The following TMEM51 variants were observed in gnomAD, a reference collection of about 807,000 sequenced individuals.
TMEM51 encodes the protein transmembrane protein 51, also known as chromosome 1 open reading frame 72.
TMEM51 carries 8 observed loss-of-function variants against 13.6 expected under a neutral mutation model. That is an observed-to-expected ratio of 0.59 (90% CI 0.35 to 1.07). TMEM51 has a LOEUF of 1.07. Among genes scored for constraint, TMEM51 ranks in the 50% least tolerant of loss-of-function variants. The probability of loss-of-function intolerance (pLI) is 0.02; values close to 1 mark genes in which losing one functional copy is unlikely to be tolerated. For synonymous variants in TMEM51, 147 were observed against 144.4 expected, an observed-to-expected ratio of 1.02 and a Z score of -0.13; for missense variants, 279 against 330.7, an observed-to-expected ratio of 0.84 and a Z score of 1.21.
Position 15,220,319 on chromosome 1 carries a change from C to T in TMEM51, c.*576C>T, listed in dbSNP as rs1644499529. 1 of 148,526 alleles carries T rather than the reference C, an allele frequency of 6.7e-6. No homozygotes were observed. The highest frequency in any genetic ancestry group is 2.5e-5 in the African/African-American group (1 of 39,748). The allele number at this position is 148,526 out of a possible 1,614,324, so 9.2% of individuals were successfully genotyped here. A position where few individuals can be genotyped will look rare whatever the true frequency, so the allele number is the denominator to read the frequency against. The stretch of plus-strand genomic sequence containing the variant: ...GGGCTTAAGGCCTGATGAACGTAGG[C>T]ACGTGATGCATAATAGTCTTCAATG... On this transcript the variant is annotated 3_prime_UTR_variant, in exon 4 of 4. Coordinates refer to ENST00000376008, the MANE Select transcript of TMEM51 (RefSeq NM_001136218.2).
chr1:15,160,434 C>T (rs1485938167), intron 1 of TMEM51, among the ~76,000 whole-genome samples: 5 of 152,008 alleles, frequency 3.3e-5, no homozygotes, highest in East Asian at 1.9e-4. Flanking sequence ...CCACCACGCC[C>T]GGCCAATTTT....
chr1:15,196,674 G>A (rs1056273452), intron 1 of TMEM51, among the ~76,000 whole-genome samples: 2 of 152,210 alleles, frequency 1.3e-5, no homozygotes, highest in Non-Finnish European at 2.9e-5. Flanking sequence ...ATTGAATTAA[G>A]TGCTTCCAGA....
At chr1:15,219,247 CTT>C in intron 3 of TMEM51, 77 bp from the exon 4 acceptor site, 4 of 1,471,790 alleles carry the variant, frequency 2.7e-6, no homozygotes, top group Non-Finnish European at 3.7e-6. Flanking sequence ...TGTGTGGACT[CTT>C]TGGAGCCCAT....
chr1:15,207,113 G>C lies in TMEM51; in HGVS notation c.-266-3377G>C, dbSNP rs1005058318. 6.6e-6 allele frequency among the ~76,000 whole-genome samples: 1 copy of C among 152,200 alleles called. No individual in the cohort carries two copies. The highest frequency in any genetic ancestry group is 1.5e-5 in the Non-Finnish European group (1 of 68,046). ...TTGTGATGTGAATGTGGCACAGCCCGGTGGAACCGGGGATCCCTTTCCCAA... is the reference window on the plus strand; with the variant it reads ...TTGTGATGTGAATGTGGCACAGCCCCGTGGAACCGGGGATCCCTTTCCCAA... On this transcript the variant is annotated intron_variant, in intron 1 of 3. Transcript: ENST00000376008. The surrounding 1 kb of genome is among the most constrained non-coding windows in gnomAD (Gnocchi z 4.6).
intron 3 of TMEM51, among the ~76,000 whole-genome samples, 170 bp downstream of exon 3, chr1:15,215,601 T>C (rs3820063): frequency 0.44 from 66,403 of 152,216 alleles, 15,209 homozygotes; most frequent in East Asian, 0.61. Flanking sequence ...CAAATAACTT[T>C]AGACTTTTCT....
chr1:15,213,858 T>TC (rs1644380773), intron 2 of TMEM51, among the ~76,000 whole-genome samples: 1 of 152,036 alleles, frequency 6.6e-6, no homozygotes, highest in Non-Finnish European at 1.5e-5. Context: ...CTTTTTTTTT[T>TC]CGAGACAGAG....
chr1:15,172,590 G>T (rs1389443134), intron 1 of TMEM51, among the ~76,000 whole-genome samples: 1 of 152,130 alleles, frequency 6.6e-6, no homozygotes, highest in African/African-American at 2.4e-5. Flanking sequence ...GTTCCACCAC[G>T]TGCCAGCTTT....
At chr1:15,166,830 C>A (rs1643016798) in intron 1 of TMEM51, among the ~76,000 whole-genome samples, 2 of 152,150 alleles carry the variant, frequency 1.3e-5, no homozygotes, top group Admixed American at 1.3e-4. Flanking sequence ...AATCATGTAA[C>A]CACCACCACA....
rs751616475 is a variant in TMEM51, at chr1:15,215,309, G to C, written c.222G>C (p.Val74=). ...CCTACGTGCTGGTCGGGGCCGGGGT[G>C]ATGCTGCTGCTGCTTTCTATCTGCC... ...SVAYVLVGAG[V]MLLLLSICLS... The change falls in exon 3 of 4, where the codon GTG becomes GTC. Residue 74 remains valine (V), a synonymous_variant. Transcript: ENST00000376008. 6.2e-7 allele frequency: 1 copy of C among 1,614,188 alleles called. No individual in the cohort carries two copies. Among genetic ancestry groups the C allele is most frequent in the East Asian group, 2.2e-5 (1 of 44,884 alleles).
chr1:15,200,899 G>C (rs1644142535), intron 1 of TMEM51, among the ~76,000 whole-genome samples: 1 of 152,160 alleles, frequency 6.6e-6, no homozygotes, highest in Non-Finnish European at 1.5e-5. Context: ...AACTGACCTA[G>C]GGAAAGTTTC....
chr1:15,204,083 G>A (rs1644206547), intron 1 of TMEM51, among the ~76,000 whole-genome samples: 1 of 152,250 alleles, frequency 6.6e-6, no homozygotes, highest in Non-Finnish European at 1.5e-5. Context: ...TCCAGTCAGT[G>A]TCCAGAACTG....
In TMEM51 at chr1:15,161,142, A is replaced by G. The variant is rs913106657; in HGVS notation, c.-267+7188A>G. 6.6e-6 allele frequency among the ~76,000 whole-genome samples: 1 copy of G among 152,118 alleles called. No homozygotes were observed. The highest frequency in any genetic ancestry group is 6.5e-5 in the Admixed American group (1 of 15,280). ...GTTAACACAGGCCAATACTGAGTGT[A>G]GAAACGCTGCACTCAGGGCAGATGC... On this transcript the variant is annotated intron_variant, in intron 1 of 3. Coordinates refer to ENST00000376008, the MANE Select transcript of TMEM51 (RefSeq NM_001136218.2). The surrounding 1 kb of genome is among the most constrained non-coding windows in gnomAD (Gnocchi z 4.0).
chr1:15,188,269 A>T (rs572114652), intron 1 of TMEM51, among the ~76,000 whole-genome samples: 148 of 152,206 alleles, frequency 9.7e-4, no homozygotes, highest in African/African-American at 3.3e-3. Context: ...CTTCCTGCAA[A>T]CCCAGAGGGA....
At chr1:15,174,528 T>G (rs548105754) in intron 1 of TMEM51, among the ~76,000 whole-genome samples, 11 of 152,162 alleles carry the variant, frequency 7.2e-5, no homozygotes, top group Non-Finnish European at 1.3e-4. Context: ...CTGACATGAG[T>G]CACCACACCC....
At chr1:15,164,647 A>G (rs746501047) in intron 1 of TMEM51, among the ~76,000 whole-genome samples, 4 of 152,070 alleles carry the variant, frequency 2.6e-5, no homozygotes, top group Non-Finnish European at 5.9e-5. Flanking sequence ...GAAAGGCAAC[A>G]TTATAAAAGA....
chr1:15,201,668 T>TATA (rs1259461197), intron 1 of TMEM51, among the ~76,000 whole-genome samples: 1 of 151,884 alleles, frequency 6.6e-6, no homozygotes, highest in Non-Finnish European at 1.5e-5. Context: ...GAAAGTCAGG[T>TATA]ATAAAGTGGA....
At chr1:15,163,165 G>C (rs1416575295) in intron 1 of TMEM51, among the ~76,000 whole-genome samples, 3 of 151,958 alleles carry the variant, frequency 2.0e-5, no homozygotes, top group African/African-American at 7.3e-5. Context: ...CCTAAGACAG[G>C]CTCAGTTCCT....
At chr1:15,177,921 G>A (rs1296722523) in intron 1 of TMEM51, among the ~76,000 whole-genome samples, 4 of 152,156 alleles carry the variant, frequency 2.6e-5, no homozygotes, top group South Asian at 4.1e-4. Context: ...ACCCATACGC[G>A]CTGATGAATC....
At chr1:15,162,414 C>T (rs1242760127) in intron 1 of TMEM51, among the ~76,000 whole-genome samples, 2 of 152,046 alleles carry the variant, frequency 1.3e-5, no homozygotes, top group Non-Finnish European at 2.9e-5. Context: ...CCACATGCCT[C>T]GGCCTCCCAA....
Sources: allele counts gnomAD v4.1 joint callset (sites outside exome capture counted in the v4.1 genomes callset), GRCh38; gene constraint gnomAD v4.1.1; non-coding constraint Gnocchi (gnomAD v3.1); transcripts MANE v1.5; gene names NCBI Gene and HGNC (gene_info 2026-07-23, HGNC 2026-07-21).